ROBO1: variants seen among roughly 807,000 people sequenced by gnomAD.
The protein encoded by ROBO1 is roundabout guidance receptor 1.
A neutral mutation model predicts 195.9 loss-of-function variants in ROBO1; 149 were observed. The ratio of observed to expected loss-of-function variants is 0.76; its 90% confidence interval spans 0.67 to 0.87. ROBO1 has a LOEUF of 0.87. ROBO1 is among the 40% of genes least tolerant of loss of function. ROBO1 has a pLI of 0.00. For missense variants in ROBO1, 1,933 were observed against 2,068.3 expected, an observed-to-expected ratio of 0.93 and a Z score of 1.27; for synonymous variants, 816 against 733.2, an observed-to-expected ratio of 1.11 and a Z score of -1.82.
intron 1 of ROBO1, among the ~76,000 whole-genome samples, chr3:79,721,301 A>C (rs894903305): frequency 6.6e-6 from 1 of 152,108 alleles, no homozygotes; most frequent in East Asian, 1.9e-4. Context: ...AAATAGAGAA[A>C]CAATTACAGT....
intron 2 of ROBO1, among the ~76,000 whole-genome samples, chr3:79,171,985 A>G (rs996121169): frequency 6.6e-6 from 1 of 152,152 alleles, no homozygotes; most frequent in African/African-American, 2.4e-5. Flanking sequence ...TATATAAAAT[A>G]TAACACTACA....
intron 3 of ROBO1, among the ~76,000 whole-genome samples, chr3:78,974,120 C>T (rs1410913665): frequency 6.6e-6 from 1 of 151,992 alleles, no homozygotes; most frequent in Non-Finnish European, 1.5e-5. Context: ...CCAACTTATA[C>T]CTAAATTACT....
At chr3:78,937,730 AACT>A (rs1427821278) in intron 4 of ROBO1, among the ~76,000 whole-genome samples, 5 of 152,146 alleles carry the variant, frequency 3.3e-5, no homozygotes, top group African/African-American at 1.2e-4. Context: ...TGAACCATAA[AACT>A]ACTTGAGGAT....
intron 1 of ROBO1, among the ~76,000 whole-genome samples, chr3:79,717,873 T>C (rs1702552154): frequency 6.6e-6 from 1 of 152,128 alleles, no homozygotes; most frequent in South Asian, 2.1e-4. Context: ...TATTTTTCTG[T>C]GGATTAAGTG....
intron 2 of ROBO1, among the ~76,000 whole-genome samples, chr3:79,485,916 C>A: frequency 6.6e-6 from 1 of 152,264 alleles, no homozygotes; most frequent in Middle Eastern, 3.4e-3. Flanking sequence ...GTCCCATATC[C>A]GAATGTTTTC....
At position 79,129,652 on chromosome 3, in the gene ROBO1, G is replaced by C. The variant is rs550646062; in HGVS notation, c.89-4113C>G. Among the ~76,000 whole-genome samples, 253 of 152,150 alleles carry C rather than the reference G, an allele frequency of 1.7e-3. 2 individuals are homozygous for C. Among genetic ancestry groups the C allele is most frequent in the African/African-American group, 5.5e-3 (227 of 41,528 alleles). ...TTTTTAATTGACAAATTTAAATTAA[G>C]TACAACATGATGTTTTGAAATATGT... On this transcript the variant is annotated intron_variant, in intron 2 of 30. Transcript: ENST00000464233.
intron 2 of ROBO1, among the ~76,000 whole-genome samples, chr3:79,292,606 A>G (rs1052223875): frequency 1.3e-5 from 2 of 152,118 alleles, no homozygotes; most frequent in African/African-American, 2.4e-5. Context: ...ATTTTATTGA[A>G]GGCCTTTTCT....
rs1404256285 is a variant in ROBO1 at position 78,652,010 on chromosome 3, TG to T, written c.2615-82del. On this transcript the variant is annotated intron_variant, in intron 18 of 30. Transcript: ENST00000464233. ...CACTCATTTGTGGCTGCCATTACTT[TG>T]TTAATTTCTGGATAATGATTTCTGT... is the stretch of plus-strand genomic sequence containing the variant. 3.3e-5 allele frequency: 35 copies of T among 1,060,968 alleles called. No homozygotes were observed. The African/African-American group carries it at 5.3e-4, about 16-fold the overall frequency. The allele number at this position is 1,060,968 out of a possible 1,614,324, so 65.7% of individuals were successfully genotyped here. A position where few individuals can be genotyped will look rare whatever the true frequency, so the allele number is the denominator to read the frequency against.
At chr3:79,221,949 T>G (rs1559745329) in intron 2 of ROBO1, among the ~76,000 whole-genome samples, 1 of 152,114 alleles carries the variant, frequency 6.6e-6, no homozygotes, top group Non-Finnish European at 1.5e-5. Context: ...ATATTAATTC[T>G]AGTTCTATTA....
intron 2 of ROBO1, among the ~76,000 whole-genome samples, chr3:79,221,453 T>C (rs1440068100): frequency 6.6e-6 from 1 of 152,120 alleles, no homozygotes; most frequent in Admixed American, 6.6e-5. Flanking sequence ...TACTGTCACA[T>C]TCAATATCTG....
At chr3:78,798,883 G>A (rs1296638512) in intron 4 of ROBO1, among the ~76,000 whole-genome samples, 1 of 152,158 alleles carries the variant, frequency 6.6e-6, no homozygotes, top group Non-Finnish European at 1.5e-5. Flanking sequence ...TGTGAATGGC[G>A]ACTAAGATGA....
rs1227909720 is a variant in ROBO1, at chr3:78,638,415, T to C, written c.3037+1329A>G. Reference sequence around the variant, plus strand: ...AAATCTGATTTTAAATTTCAGTTAATTTTTATTTAAATTTTTTTGTTATTA... The same window carrying C: ...AAATCTGATTTTAAATTTCAGTTAACTTTTATTTAAATTTTTTTGTTATTA... On this transcript the variant is annotated intron_variant, in intron 22 of 30. Coordinates refer to ENST00000464233, the MANE Select transcript of ROBO1 (RefSeq NM_002941.4). 8.6e-5 allele frequency among the ~76,000 whole-genome samples: 13 copies of C among 151,998 alleles called. No homozygotes were observed. The East Asian group carries it at 2.5e-3, about 29-fold the overall frequency.
At chr3:79,282,041 AT>A (rs1473870864) in intron 2 of ROBO1, among the ~76,000 whole-genome samples, 1 of 152,208 alleles carries the variant, frequency 6.6e-6, no homozygotes, top group Non-Finnish European at 1.5e-5. Context: ...AAGCAAGAAT[AT>A]TTTCAAGGAG....
chr3:78,836,527 T>G (rs1417293463), intron 4 of ROBO1, among the ~76,000 whole-genome samples: 1 of 66,468 alleles, frequency 1.5e-5, no homozygotes. Context: ...AAAAAAATTA[T>G]TCAAAAAACA....
chr3:78,694,930 C>T (rs1012106803), intron 8 of ROBO1, among the ~76,000 whole-genome samples: 15 of 151,876 alleles, frequency 9.9e-5, no homozygotes, highest in African/African-American at 2.9e-4. Flanking sequence ...AATATTTTCA[C>T]GTATTTTCAG....
rs369610856 is a variant in ROBO1, at chr3:78,606,869, A to G, written c.4608T>C (p.Asp1536=). ...TTCGCATGTCAACAACCTGTCTTCC[A>G]TCCAACACTTCTCTCCCCTTGTAAC... is the stretch of plus-strand genomic sequence containing the variant. ...GSSYKGREVL[D]GRQVVDMRTN... is the part of the protein sequence containing the mutation. Residue 1536 remains aspartate, a synonymous_variant, in exon 29 of 31, where the codon GAT becomes GAC. Coordinates refer to ENST00000464233, the MANE Select transcript of ROBO1 (RefSeq NM_002941.4). 8.4e-5 allele frequency: 136 copies of G among 1,613,750 alleles called. 1 individual carries two copies. The highest frequency in any genetic ancestry group is 1.9e-5 in the Non-Finnish European group (23 of 1,179,870).
At chr3:79,503,032 A>G (rs1940187171) in intron 2 of ROBO1, among the ~76,000 whole-genome samples, 1 of 152,182 alleles carries the variant, frequency 6.6e-6, no homozygotes, top group Non-Finnish European at 1.5e-5. Context: ...GTGAGCTAAC[A>G]GTGACAACCT....
At chr3:79,223,821 T>C (rs908754443) in intron 2 of ROBO1, among the ~76,000 whole-genome samples, 5 of 152,204 alleles carry the variant, frequency 3.3e-5, no homozygotes, top group African/African-American at 1.2e-4. Flanking sequence ...TTAATGTCAG[T>C]CGGTCTTACG....
intron 3 of ROBO1, among the ~76,000 whole-genome samples, chr3:79,100,487 A>T (rs2079655376): frequency 6.6e-6 from 1 of 151,702 alleles, no homozygotes; most frequent in Non-Finnish European, 1.5e-5. Context: ...ATTTAAAGAC[A>T]CAATAGCCAG....
Sources: gnomAD v4.1 joint callset for allele counts (sites outside exome capture counted in the v4.1 genomes callset) on GRCh38, gnomAD v4.1.1 for gene constraint, MANE v1.5 for transcripts, NCBI Gene and HGNC (gene_info 2026-07-23, HGNC 2026-07-21) for gene names.